Variants in RGS7 observed in about 807,000 individuals in gnomAD.
RGS7 encodes regulator of G protein signaling 7.
A neutral mutation model predicts 81.1 loss-of-function variants in RGS7; 27 were observed. The ratio of observed to expected loss-of-function variants is 0.33; its 90% CI spans 0.25 to 0.46. The LOEUF (loss-of-function observed/expected upper bound fraction) is 0.46. Among genes scored for constraint, RGS7 ranks in the 20% least tolerant of loss-of-function variants. The pLI is 1.00. For missense variants in RGS7, 396 were observed against 607.4 expected, an observed-to-expected ratio of 0.65 and a Z score of 3.66; for synonymous variants, 208 against 207.7, an observed-to-expected ratio of 1.00 and a Z score of -0.01.
intron 2 of RGS7, among the ~76,000 whole-genome samples, chr1:241,343,530 T>C (rs2082702361): frequency 6.6e-6 from 1 of 152,212 alleles, no homozygotes; most frequent in African/African-American, 2.4e-5. Context: ...ACAACATGGA[T>C]GAACCTTGAG....
intron 18 of RGS7, among the ~76,000 whole-genome samples, chr1:240,780,638 G>T (rs1021234118): frequency 6.6e-6 from 1 of 151,862 alleles, no homozygotes; most frequent in East Asian, 1.9e-4. Context: ...AGAATGGGCC[G>T]GGCGCGGTGG....
At chr1:241,127,616 A>G (rs1055878456) in intron 2 of RGS7, among the ~76,000 whole-genome samples, 6 of 152,156 alleles carry the variant, frequency 3.9e-5, no homozygotes, top group East Asian at 1.9e-4. Context: ...TGGGTGCAGC[A>G]CACCAACATG....
At chr1:241,031,859 C>T (rs772436315) in intron 3 of RGS7, among the ~76,000 whole-genome samples, 26 of 152,086 alleles carry the variant, frequency 1.7e-4, no homozygotes, top group Non-Finnish European at 3.5e-4. Flanking sequence ...ATTTAAGTTC[C>T]TCGTAGATTC....
intron 3 of RGS7, among the ~76,000 whole-genome samples, chr1:241,038,798 G>A (rs34833698): frequency 0.18 from 26,680 of 151,982 alleles, 2,775 homozygotes; most frequent in Non-Finnish European, 0.23. Flanking sequence ...GCAATACAGC[G>A]AGAACCTGTT....
At chr1:241,154,193 G>A (rs973165874) in intron 2 of RGS7, among the ~76,000 whole-genome samples, 1 of 152,142 alleles carries the variant, frequency 6.6e-6, no homozygotes, top group African/African-American at 2.4e-5. Flanking sequence ...AATAAGGGAG[G>A]GTAAGGAGAC....
chr1:240,804,578 A>G (rs1008807248), intron 15 of RGS7, among the ~76,000 whole-genome samples: 2 of 152,244 alleles, frequency 1.3e-5, no homozygotes. Context: ...TTAGGCAAGA[A>G]TATTTTTAAA....
intron 6 of RGS7, among the ~76,000 whole-genome samples, chr1:240,926,954 A>G (rs987570076): frequency 6.6e-6 from 1 of 152,210 alleles, no homozygotes; most frequent in Non-Finnish European, 1.5e-5. Context: ...TTTTCATATC[A>G]ACTGATCTAT....
Position 240,868,996 on chromosome 1 carries a change from G to T in RGS7, c.451-144C>A. On this transcript the variant is annotated intron_variant, in intron 7 of 18. Coordinates refer to ENST00000440928, the MANE Select transcript of RGS7 (RefSeq NM_001364886.1). This position sits in a 1 kb window ranked among gnomAD's most constrained non-coding sequence, Gnocchi z 5.1. ...ACTGTGGTTCTCAATGATAAGTCAT[G>T]CTCCCTGAATTCAGCTCATCTTCAT... is the stretch of plus-strand genomic sequence containing the variant. 1 of 764,716 alleles carries T rather than the reference G, an allele frequency of 1.3e-6. No individual in the cohort carries two copies. Among genetic ancestry groups the T allele is most frequent in the Non-Finnish European group, 2.3e-6 (1 of 433,018 alleles). The allele number at this position is 764,716 out of a possible 1,614,324, so 47.4% of individuals were successfully genotyped here. A position where few individuals can be genotyped will look rare whatever the true frequency, so the allele number is the denominator to read the frequency against.
chr1:240,784,082 G>T (rs1684612941), intron 18 of RGS7, among the ~76,000 whole-genome samples: 1 of 151,380 alleles, frequency 6.6e-6, no homozygotes, highest in African/African-American at 2.4e-5. Flanking sequence ...AGCTACTCGG[G>T]AGGCTGAGGC....
rs2079015392 is a variant in RGS7, at chr1:241,290,130, G to T, written c.78+65569C>A. ...AATTCAAATGTCATGTTAGAAAGTA[G>T]GGTTTATATGTACAGGTGTTTGTAA... is the stretch of plus-strand genomic sequence containing the variant. On this transcript the variant is annotated intron_variant, in intron 2 of 18. Transcript: ENST00000440928. Among the ~76,000 whole-genome samples, 3 of 152,158 alleles carry T rather than the reference G, an allele frequency of 2.0e-5. No individual in the cohort carries two copies. In the South Asian group the frequency reaches 6.2e-4, roughly 32 times the overall value.
At chr1:240,995,708 C>CTTTTTTT (rs71172669) in intron 3 of RGS7, among the ~76,000 whole-genome samples, 1 of 139,804 alleles carries the variant, frequency 7.2e-6, no homozygotes, top group African/African-American at 2.6e-5. Flanking sequence ...TGTGTCTTTT[C>CTTTTTTT]TTTTTTTTTT....
chr1:240,945,846 T>G (rs542816958), intron 4 of RGS7, among the ~76,000 whole-genome samples: 32 of 152,340 alleles, frequency 2.1e-4, no homozygotes, highest in Non-Finnish European at 3.5e-4. Context: ...CAATTTTTAT[T>G]TTTAAAATCT....
At chr1:240,927,702 A>G (rs1674683528) in intron 6 of RGS7, among the ~76,000 whole-genome samples, 1 of 152,124 alleles carries the variant, frequency 6.6e-6, no homozygotes, top group Non-Finnish European at 1.5e-5. Context: ...TTTCTCCCAT[A>G]TCCTCTTAAT....
intron 9 of RGS7, among the ~76,000 whole-genome samples, chr1:240,862,604 C>A (rs938860159): frequency 1.3e-5 from 2 of 151,772 alleles, no homozygotes; most frequent in African/African-American, 4.8e-5. Flanking sequence ...AAAGGGAAAA[C>A]AAAATGAAAA....
chr1:241,327,040 G>GGAAGGA lies in RGS7; in HGVS notation c.78+28658_78+28659insTCCTTC, dbSNP rs1558320576. Among the ~76,000 whole-genome samples the GGAAGGA allele has an allele frequency of 2.4e-4, 2 of 8,302 alleles. 1 individual carries two copies. Among genetic ancestry groups the GGAAGGA allele is most frequent in the Non-Finnish European group, 4.7e-4 (2 of 4,228 alleles). The allele number at this position is 8,302 out of a possible 152,430, so 5.4% of individuals were successfully genotyped here. On this transcript the variant is annotated intron_variant, in intron 2 of 18. Coordinates refer to ENST00000440928, the MANE Select transcript of RGS7 (RefSeq NM_001364886.1). The stretch of plus-strand genomic sequence containing the variant: ...GAAGGAAGGAAGGAAGGAAGGAAGG[G>GGAAGGA]AGGGAGGGGAAAGGAAGGAAGAAGG...
intron 3 of RGS7, among the ~76,000 whole-genome samples, chr1:240,987,205 G>A (rs1169832874): frequency 1.3e-5 from 2 of 152,118 alleles, no homozygotes; most frequent in Non-Finnish European, 2.9e-5. Flanking sequence ...AAGATATGAG[G>A]ACTCTGTAAG....
Position 240,872,127 on chromosome 1 carries a change from T to A in RGS7, c.386-2008A>T, listed in dbSNP as rs145802774. ...TTCTTTAATTCTCTAGGGAAAAAAA[T>A]GAAGGTGCGGGCAGACAGTGCCAGG... On this transcript the variant is annotated intron_variant, in intron 6 of 18. Coordinates refer to ENST00000440928, the MANE Select transcript of RGS7 (RefSeq NM_001364886.1). Among the ~76,000 whole-genome samples the A allele has an allele frequency of 5.0e-3, 758 of 152,196 alleles. 3 individuals carry two copies. The highest frequency in any genetic ancestry group is 0.024 in the Middle Eastern group (7 of 294).
intron 3 of RGS7, among the ~76,000 whole-genome samples, chr1:241,006,607 G>C (rs889124681): frequency 6.6e-6 from 1 of 152,206 alleles, no homozygotes; most frequent in African/African-American, 2.4e-5. Context: ...AAGCTCAAGA[G>C]ACTTCTCTGA....
At chr1:241,335,436 G>A (rs1452383616) in intron 2 of RGS7, among the ~76,000 whole-genome samples, 1 of 152,164 alleles carries the variant, frequency 6.6e-6, no homozygotes, top group Non-Finnish European at 1.5e-5. Flanking sequence ...AAGTTCCACA[G>A]CAAACTGCAA....
Sources: gnomAD v4.1 joint callset for allele counts (sites outside exome capture counted in the v4.1 genomes callset) on GRCh38, gnomAD v4.1.1 for gene constraint, Gnocchi (gnomAD v3.1) non-coding constraint, MANE v1.5 for transcripts, NCBI Gene and HGNC (gene_info 2026-07-23, HGNC 2026-07-21) for gene names.